Variants in CDC42EP3 observed in about 807,000 individuals in gnomAD.
The protein encoded by CDC42EP3 is CDC42 effector protein (Rho GTPase binding) 3.
A neutral mutation model predicts 15.5 loss-of-function variants in CDC42EP3; 4 were observed. That is an observed-to-expected ratio of 0.26 (90% CI 0.13 to 0.59). The LOEUF (loss-of-function observed/expected upper bound fraction) is 0.59, where lower values mean the gene tolerates loss of function less well. Among genes scored for constraint, CDC42EP3 ranks in the 20% least tolerant of loss-of-function variants. CDC42EP3 has a pLI of 0.89. For missense variants in CDC42EP3, 309 were observed against 311.2 expected, an observed-to-expected ratio of 0.99 and a Z score of 0.05; for synonymous variants, 145 against 130.3, an observed-to-expected ratio of 1.11 and a Z score of -0.77.
intron 1 of CDC42EP3, among the ~76,000 whole-genome samples, chr2:37,662,285 G>A (rs753818364): frequency 6.6e-6 from 1 of 152,094 alleles, no homozygotes. Flanking sequence ...GAGTCTTCCT[G>A]GGTAACAACG....
Position 37,642,299 on chromosome 2 carries a change from T to C in CDC42EP3, c.*3524A>G, listed in dbSNP as rs555575726. The C allele has an allele frequency of 4.6e-5, 7 of 152,346 alleles. No individual in the cohort carries two copies. The highest frequency in any genetic ancestry group is 2.6e-4 in the Admixed American group (4 of 15,306). The allele number at this position is 152,346 out of a possible 1,614,324, so 9.4% of individuals were successfully genotyped here. ...TTAACGTCGTGTGAATAATTTTGGG[T>C]ATTCTGGCCTTCCTGAATCTCATAC... On this transcript the variant is annotated 3_prime_UTR_variant, in exon 2 of 2. Transcript: ENST00000295324.
chr2:37,666,766 C>G (rs781375710), intron 1 of CDC42EP3, among the ~76,000 whole-genome samples: 1 of 151,136 alleles, frequency 6.6e-6, no homozygotes, highest in Non-Finnish European at 1.5e-5. Context: ...AGTCCATCAT[C>G]ATGTGATTCT....
intron 1 of CDC42EP3, among the ~76,000 whole-genome samples, chr2:37,661,069 T>C (rs1666041202): frequency 6.6e-6 from 1 of 151,998 alleles, no homozygotes. Flanking sequence ...GTAGTATGTA[T>C]GTATGCATAT....
In CDC42EP3 at chr2:37,647,015, T is replaced by C. The variant is rs186136012; in HGVS notation, c.-235-193A>G. 2.6e-5 allele frequency among the ~76,000 whole-genome samples: 4 copies of C among 152,336 alleles called. No homozygotes were observed. In the East Asian group the frequency reaches 5.8e-4, roughly 22 times the overall value. On this transcript the variant is annotated intron_variant, in intron 1 of 1. Coordinates refer to ENST00000295324, the MANE Select transcript of CDC42EP3 (RefSeq NM_006449.5). ...GAAAGAGAAAGACCTAAAAACCCCA[T>C]ATCTATGACACCAGTACTTTTTAGA... is the stretch of plus-strand genomic sequence containing the variant.
At chr2:37,657,484 T>C (rs1665906004) in intron 1 of CDC42EP3, among the ~76,000 whole-genome samples, 1 of 152,208 alleles carries the variant, frequency 6.6e-6, no homozygotes, top group African/African-American at 2.4e-5. Flanking sequence ...GTGTTCCTGT[T>C]GGGAAAACTC....
At chr2:37,670,680 G>C (rs577273091) in intron 1 of CDC42EP3, among the ~76,000 whole-genome samples, 4 of 152,030 alleles carry the variant, frequency 2.6e-5, no homozygotes, top group African/African-American at 9.6e-5. Flanking sequence ...ACCTCTCCTA[G>C]ACTGCACAGT....
At chr2:37,653,823 T>C (rs1665762475) in intron 1 of CDC42EP3, among the ~76,000 whole-genome samples, 1 of 152,024 alleles carries the variant, frequency 6.6e-6, no homozygotes, top group Non-Finnish European at 1.5e-5. Flanking sequence ...AACACACATG[T>C]ATAAAAATGG....
intron 1 of CDC42EP3, among the ~76,000 whole-genome samples, chr2:37,654,866 AC>A (rs1558339589): frequency 6.6e-6 from 1 of 152,230 alleles, no homozygotes; most frequent in African/African-American, 2.4e-5. Context: ...CAATCCTTTT[AC>A]AAACCTCTGT....
At chr2:37,666,138 C>G (rs1275366809) in intron 1 of CDC42EP3, among the ~76,000 whole-genome samples, 1 of 152,182 alleles carries the variant, frequency 6.6e-6, no homozygotes, top group African/African-American at 2.4e-5. Context: ...ACTAAAATGT[C>G]CCTGGGTTGC....
intron 1 of CDC42EP3, among the ~76,000 whole-genome samples, chr2:37,648,798 CA>C (rs919184431): frequency 6.6e-6 from 1 of 152,132 alleles, no homozygotes; most frequent in Non-Finnish European, 1.5e-5. Flanking sequence ...TATGAGTGTA[CA>C]ATGCCTAGTC....
Position 37,645,470 on chromosome 2 carries a change from G to A in CDC42EP3, c.*353C>T, listed in dbSNP as rs1413384571. On this transcript the variant is annotated 3_prime_UTR_variant, in exon 2 of 2. Coordinates refer to ENST00000295324, the MANE Select transcript of CDC42EP3 (RefSeq NM_006449.5). The stretch of plus-strand genomic sequence containing the variant: ...TCAGAAAATGTCGGAGTGCTATAAA[G>A]TTCCGTGAAGTTCCTTAATGTGACT... 1.1e-5 allele frequency: 2 copies of A among 175,394 alleles called. No individual in the cohort carries two copies. The highest frequency in any genetic ancestry group is 2.4e-5 in the African/African-American group (1 of 42,344). The allele number at this position is 175,394 out of a possible 1,614,324, so 10.9% of individuals were successfully genotyped here. A position where few individuals can be genotyped will look rare whatever the true frequency, so the allele number is the denominator to read the frequency against.
At chr2:37,648,040 C>T (rs972937372) in intron 1 of CDC42EP3, among the ~76,000 whole-genome samples, 3 of 152,148 alleles carry the variant, frequency 2.0e-5, no homozygotes, top group Non-Finnish European at 2.9e-5. Context: ...AGTTTGTGGT[C>T]GTTTGTTACC....
rs1665449172 is a variant in CDC42EP3 at position 37,646,091 on chromosome 2, T to C, written c.497A>G (p.His166Arg). 2 of 1,614,218 alleles carry C rather than the reference T, an allele frequency of 1.2e-6. No individual in the cohort carries two copies. The highest frequency in any genetic ancestry group is 1.7e-6 in the Non-Finnish European group (2 of 1,180,038). The stretch of plus-strand genomic sequence containing the variant: ...GGAGCCCCACGAGGTGTCTCCCTGG[T>C]GGACTGTCCCATTCTCCAACAGACT... The part of the protein sequence containing the change: ...KSSLLENGTV[H>R]QGDTSWGSSG... Residue 166 changes from histidine (H) to arginine (R), a missense_variant, in exon 2 of 2, where the codon CAC (histidine) becomes CGC (arginine). Transcript: ENST00000295324.
chr2:37,669,700 G>A (rs1482027098), intron 1 of CDC42EP3, among the ~76,000 whole-genome samples: 2 of 152,126 alleles, frequency 1.3e-5, no homozygotes, highest in Non-Finnish European at 2.9e-5. Flanking sequence ...AAACTGCCAT[G>A]GATCCAGAAA....
At position 37,646,311 on chromosome 2, in the gene CDC42EP3, A is replaced by G. The variant is rs775860033; in HGVS notation, c.277T>C (p.Ser93Pro). The G allele has an allele frequency of 8.1e-6, 13 of 1,614,072 alleles. No homozygotes were observed. The African/African-American group carries it at 1.6e-4, about 20-fold the overall frequency. Residue 93 changes from serine (S) to proline (P), a missense_variant, in exon 2 of 2, where the codon TCT (serine) becomes CCT (proline). Physicochemically the swap from Ser to Pro is moderately conservative, Grantham distance 74. Coordinates refer to ENST00000295324, the MANE Select transcript of CDC42EP3 (RefSeq NM_006449.5). ...GGGGAGGGCGTTTCTGTGAACACAG[A>G]GTCCGAGGTGCTGTTGGCCCGGAAG... ...EFFRANSTSD[S>P]VFTETPSPVL...
chr2:37,667,937 A>C (rs1312303070), intron 1 of CDC42EP3, among the ~76,000 whole-genome samples: 2 of 152,224 alleles, frequency 1.3e-5, no homozygotes, highest in Non-Finnish European at 2.9e-5. Flanking sequence ...GGAAAAGAAG[A>C]GCAATATAAT....
chr2:37,644,322 A>G lies in CDC42EP3; in HGVS notation c.*1501T>C, dbSNP rs955956427. 7.2e-5 allele frequency: 11 copies of G among 152,214 alleles called. No individual in the cohort carries two copies. The highest frequency in any genetic ancestry group is 2.4e-4 in the African/African-American group (10 of 41,438). 9.4% of individuals were successfully genotyped at this position (152,214 alleles called of 1,614,324 possible). A position where few individuals can be genotyped will look rare whatever the true frequency, so the allele number is the denominator to read the frequency against. On this transcript the variant is annotated 3_prime_UTR_variant, in exon 2 of 2. Coordinates refer to ENST00000295324, the MANE Select transcript of CDC42EP3 (RefSeq NM_006449.5). Reference sequence around the variant, plus strand: ...GAAGGAGCTGGTAGTTACTGTGTGCAAGTGTTTTTCTTTGATGGGGAAGGA... The same window carrying G: ...GAAGGAGCTGGTAGTTACTGTGTGCGAGTGTTTTTCTTTGATGGGGAAGGA...
At chr2:37,649,014 G>A (rs936737727) in intron 1 of CDC42EP3, among the ~76,000 whole-genome samples, 1 of 152,018 alleles carries the variant, frequency 6.6e-6, no homozygotes, top group Non-Finnish European at 1.5e-5. Flanking sequence ...GGCTGCCTGG[G>A]GTCAGCTGAT....
intron 1 of CDC42EP3, among the ~76,000 whole-genome samples, chr2:37,654,323 T>C (rs575753765): frequency 6.6e-6 from 1 of 152,160 alleles, no homozygotes; most frequent in South Asian, 2.1e-4. Context: ...GGAGCTCGAT[T>C]AGGACATGTG....
Sources: allele counts gnomAD v4.1 joint callset (sites outside exome capture counted in the v4.1 genomes callset), GRCh38; gene constraint gnomAD v4.1.1; transcripts MANE v1.5; gene names NCBI Gene and HGNC (gene_info 2026-07-23, HGNC 2026-07-21).